Variants in ABCB1 observed in about 807,000 individuals in gnomAD.
ABCB1 encodes the protein ATP binding cassette subfamily B member 1, also known as ATP-dependent translocase ABCB1.
In ABCB1, 69 loss-of-function variants were observed where a neutral mutation model predicts 142.0. The ratio of observed to expected loss-of-function variants is 0.49; its 90% CI spans 0.40 to 0.59. ABCB1 has a LOEUF of 0.59. Ranked by LOEUF, ABCB1 falls within the 20% of genes least tolerant of loss-of-function variation. The pLI is 0.00. For synonymous variants in ABCB1, 532 were observed against 539.2 expected, an observed-to-expected ratio of 0.99 and a Z score of 0.18; for missense variants, 1,326 against 1,554.7, an observed-to-expected ratio of 0.85 and a Z score of 2.47.
intron 1 of ABCB1, among the ~76,000 whole-genome samples, chr7:87,701,010 C>T (rs190479172): frequency 6.6e-5 from 10 of 152,212 alleles, no homozygotes; most frequent in Non-Finnish European, 1.2e-4. Context: ...CATGATGGTG[C>T]GGGAAACATT....
chr7:87,573,228 T>C (rs10280623), intron 4 of ABCB1, among the ~76,000 whole-genome samples: 31,574 of 152,122 alleles, frequency 0.21, 3,567 homozygotes, highest in African/African-American at 0.29. Flanking sequence ...ACCATCATCC[T>C]TTATGCAGTG....
In ABCB1 at chr7:87,505,941, G is replaced by A. The variant is rs1814715339; in HGVS notation, c.3592C>T (p.Leu1198Phe). 6.2e-7 allele frequency: 1 copy of A among 1,614,130 alleles called. No individual in the cohort carries two copies. Among genetic ancestry groups the A allele is most frequent in the Non-Finnish European group, 8.5e-7 (1 of 1,180,016 alleles). The change falls in exon 27 of 28, where the codon CTT becomes TTT. Residue 1198 changes from leucine to phenylalanine, a missense_variant. Transcript: ENST00000622132. ...AGAGCTGACGTGGCTTCATCCAAAA[G>A]CAAAATATGAGGCTGTCTAACAAGG... Reference protein sequence around the residue: ...RALVRQPHILLLDEATSALDT... With the variant: ...RALVRQPHILFLDEATSALDT...
intron 1 of ABCB1, among the ~76,000 whole-genome samples, chr7:87,693,187 A>G (rs1157162270): frequency 2.0e-5 from 3 of 152,104 alleles, no homozygotes; most frequent in East Asian, 3.8e-4. Context: ...TCTGAAAAAT[A>G]TAGCAGAAAT....
At chr7:87,612,377 G>T (rs1819883402) in intron 1 of ABCB1, among the ~76,000 whole-genome samples, 1 of 152,090 alleles carries the variant, frequency 6.6e-6, no homozygotes, top group Non-Finnish European at 1.5e-5. Flanking sequence ...TTTCCTTCTA[G>T]AATTTTTATG....
chr7:87,516,385 A>G, intron 24 of ABCB1, 124 bp downstream of exon 24: 1 of 1,242,920 alleles, frequency 8.0e-7, no homozygotes, highest in Non-Finnish European at 1.2e-6. Flanking sequence ...AAAGGAATCT[A>G]TGATCTAGGA....
At chr7:87,628,829 C>T (rs1427726687) in intron 1 of ABCB1, 3 of 1,254,484 alleles carry the variant, frequency 2.4e-6, no homozygotes, top group Non-Finnish European at 3.0e-6. Context: ...CCGCCATGGC[C>T]TCCCGGAGCC....
At chr7:87,710,671 T>C in intron 1 of ABCB1, 1 of 1,343,786 alleles carries the variant, frequency 7.4e-7, no homozygotes, top group East Asian at 2.3e-5. Flanking sequence ...AAAGTCCTTT[T>C]AATTTTCTAA....
chr7:87,668,942 G>GTA (rs1825549363), intron 1 of ABCB1, among the ~76,000 whole-genome samples: 1 of 152,108 alleles, frequency 6.6e-6, no homozygotes, highest in Non-Finnish European at 1.5e-5. Flanking sequence ...GGAGAAGAAT[G>GTA]TATATTCTGG....
In ABCB1 at chr7:87,610,387, A is replaced by G. The variant is rs1037702655; in HGVS notation, c.-330-9309T>C. Among the ~76,000 whole-genome samples, 98 of 129,094 alleles carry G rather than the reference A, an allele frequency of 7.6e-4. 1 individual carries two copies. Among genetic ancestry groups the G allele is most frequent in the Non-Finnish European group, 1.3e-3 (82 of 63,650 alleles). The allele number at this position is 129,094 out of a possible 152,430, so 84.7% of individuals were successfully genotyped here. ...AGAGTAGCTGGGACTACATACTACC[A>G]CACCTGGCCTTTTTTTTTTTTTTTT... On this transcript the variant is annotated intron_variant, in intron 1 of 28. Transcript: ENST00000265724.
chr7:87,504,116 G>A lies in ABCB1; in HGVS notation c.*127C>T. On this transcript the variant is annotated 3_prime_UTR_variant, in exon 28 of 28. Coordinates refer to ENST00000622132, the MANE Select transcript of ABCB1 (RefSeq NM_001348946.2). ...TAATTACGAAGTCTCTGAAGACTCT[G>A]AACTTGACTGAGGAAATGTTAAACA... The A allele has an allele frequency of 7.9e-7, 1 of 1,266,246 alleles. No homozygotes were observed. Among genetic ancestry groups the A allele is most frequent in the Non-Finnish European group, 1.1e-6 (1 of 895,626 alleles). The allele number at this position is 1,266,246 out of a possible 1,614,324, so 78.4% of individuals were successfully genotyped here.
At chr7:87,621,688 C>T (rs1820228503) in intron 1 of ABCB1, among the ~76,000 whole-genome samples, 1 of 151,864 alleles carries the variant, frequency 6.6e-6, no homozygotes, top group South Asian at 2.1e-4. Flanking sequence ...CACATAGTAA[C>T]AGATTGGTGA....
intron 1 of ABCB1, among the ~76,000 whole-genome samples, chr7:87,620,638 C>T (rs925480960): frequency 6.6e-6 from 1 of 152,118 alleles, no homozygotes; most frequent in African/African-American, 2.4e-5. Flanking sequence ...ACTAACTTCA[C>T]CATTAATCTT....
At chr7:87,565,622 A>G in intron 7 of ABCB1, 1 of 342,256 alleles carries the variant, frequency 2.9e-6, no homozygotes, top group Admixed American at 4.1e-5. Flanking sequence ...AAAATCTAGA[A>G]AGCCAAAAAC....
chr7:87,707,415 T>C (rs1829701968), intron 1 of ABCB1, among the ~76,000 whole-genome samples: 1 of 152,162 alleles, frequency 6.6e-6, no homozygotes, highest in African/African-American at 2.4e-5. Flanking sequence ...TGTGATGGCC[T>C]TTAATCCCAG....
intron 1 of ABCB1, among the ~76,000 whole-genome samples, chr7:87,668,038 TG>T (rs1441888555): frequency 6.6e-6 from 1 of 152,042 alleles, no homozygotes; most frequent in Non-Finnish European, 1.5e-5. Context: ...CTCATTTTTT[TG>T]GAATTATTTC....
At chr7:87,682,720 T>C (rs1404685886) in intron 1 of ABCB1, among the ~76,000 whole-genome samples, 4 of 152,226 alleles carry the variant, frequency 2.6e-5, no homozygotes, top group African/African-American at 9.6e-5. Flanking sequence ...GCTCCATTTA[T>C]AGAGCTCAGG....
rs148147464 is a variant in ABCB1 at position 87,529,084 on chromosome 7, A to T, written c.2685+2210T>A. Among the ~76,000 whole-genome samples, 10 of 152,308 alleles carry T rather than the reference A, an allele frequency of 6.6e-5. No individual in the cohort carries two copies. In the East Asian group the frequency reaches 1.7e-3, roughly 26 times the overall value. On this transcript the variant is annotated intron_variant, in intron 21 of 27. Transcript: ENST00000622132. ...TTTAAGTAAGGGTTGGCATTATTAG[A>T]TTTTTATTTATGAGAGGTCAGAATG...
At chr7:87,643,456 T>G (rs1822654194) in intron 1 of ABCB1, among the ~76,000 whole-genome samples, 1 of 152,290 alleles carries the variant, frequency 6.6e-6, no homozygotes, top group South Asian at 2.1e-4. Context: ...ATAAAATATT[T>G]TAAATAGATT....
At chr7:87,591,808 A>G (rs1343500395) in intron 3 of ABCB1, among the ~76,000 whole-genome samples, 1 of 152,196 alleles carries the variant, frequency 6.6e-6, no homozygotes, top group African/African-American at 2.4e-5. Flanking sequence ...GAGAATAAAA[A>G]AAATTTGAAA....
Sources: allele counts gnomAD v4.1 joint callset (sites outside exome capture counted in the v4.1 genomes callset), GRCh38; gene constraint gnomAD v4.1.1; transcripts MANE v1.5; gene names NCBI Gene and HGNC (gene_info 2026-07-23, HGNC 2026-07-21).